The following PRRT4 variants were observed in gnomAD, a reference collection of about 807,000 sequenced individuals.
The protein encoded by PRRT4 is proline-rich transmembrane protein 4.
Under a neutral mutation model 55.6 loss-of-function variants are expected in PRRT4, and 59 were observed. The observed-to-expected ratio is 1.06, with a 90% CI of 0.86 to 1.32. The LOEUF is 1.32. Ranked by LOEUF, PRRT4 falls within the 40% of genes most tolerant of loss-of-function variation. PRRT4 has a pLI of 0.00. For missense variants in PRRT4, 1,217 were observed against 1,222.0 expected, an observed-to-expected ratio of 1.00 and a Z score of 0.06; for synonymous variants, 606 against 601.8, an observed-to-expected ratio of 1.01 and a Z score of -0.10.
At position 128,360,038 on chromosome 7, in the gene PRRT4, T is replaced by C. The variant is rs544179551; in HGVS notation, c.-47A>G. On this transcript the variant is annotated 5_prime_UTR_variant, in exon 2 of 5. Coordinates refer to ENST00000535159, the Ensembl canonical transcript of PRRT4. ...GCCTTGGTGGGCAGGGACTCAGTTG[T>C]TCAGCAGCTTTTGAGGAGGAAGGTC... The C allele has an allele frequency of 5.6e-5, 72 of 1,280,740 alleles. No individual in the cohort carries two copies. In the African/African-American group the frequency reaches 9.7e-4, roughly 17 times the overall value. 79.3% of individuals were successfully genotyped at this position (1,280,740 alleles called of 1,614,324 possible).
At chr7:128,351,830 C>T in exon 5 of PRRT4, 1 of 1,386,718 alleles carries the variant, frequency 7.2e-7, no homozygotes, top group Non-Finnish European at 9.3e-7. Flanking sequence ...ACCTCATAGC[C>T]CTGCAGGGCT....
intron 4 of PRRT4, among the ~76,000 whole-genome samples, chr7:128,357,867 A>C (rs1797149505): frequency 6.6e-6 from 1 of 152,120 alleles, no homozygotes; most frequent in Admixed American, 6.6e-5. Context: ...TTGTCCCACC[A>C]CTGCCTGGGG....
chr7:128,359,074 A>G (rs1023111625), intron 3 of PRRT4, 75 bp downstream of exon 4: 78 of 1,438,018 alleles, frequency 5.4e-5, no homozygotes, highest in Non-Finnish European at 6.6e-5. Flanking sequence ...AAAGAAAGGT[A>G]CTTGTTAGGC....
At chr7:128,352,723 C>G in intron 4 of PRRT4, 45 bp from the exon 6 acceptor site, 1 of 1,457,142 alleles carries the variant, frequency 6.9e-7, no homozygotes. Context: ...TGCAGCCCTC[C>G]CCTTACCCAC....
intron 4 of PRRT4, among the ~76,000 whole-genome samples, chr7:128,354,334 C>A (rs113841128): frequency 3.3e-5 from 5 of 152,026 alleles, no homozygotes; most frequent in Non-Finnish European, 5.9e-5. Context: ...GAGGCCGTGG[C>A]GAGCAGATCA....
chr7:128,359,591 C>G, exon 2 of PRRT4: 2 of 1,510,308 alleles, frequency 1.3e-6, no homozygotes, highest in East Asian at 2.5e-5. Context: ...CCCAGAGCGC[C>G]GGGATGTGGA....
chr7:128,359,624 C>G, exon 2 of PRRT4: 1 of 1,535,652 alleles, frequency 6.5e-7, no homozygotes, highest in Non-Finnish European at 8.8e-7. Context: ...GGAGGAGGCC[C>G]GGGGCTTTGA....
At chr7:128,354,474 G>A (rs758678089) in intron 4 of PRRT4, among the ~76,000 whole-genome samples, 24 of 152,156 alleles carry the variant, frequency 1.6e-4, no homozygotes, top group Admixed American at 1.4e-3. Flanking sequence ...TGAGGCAGGA[G>A]AATCGCTTGA....
chr7:128,354,082 G>A (rs1797059167), intron 4 of PRRT4, among the ~76,000 whole-genome samples: 1 of 152,168 alleles, frequency 6.6e-6, no homozygotes, highest in African/African-American at 2.4e-5. Flanking sequence ...GGTGGCGAAG[G>A]ATGTGGACAG....
In PRRT4 at chr7:128,358,845, G is replaced by C. The variant is rs1797171551; in HGVS notation, c.758-45C>G. The C allele has an allele frequency of 2.0e-6, 3 of 1,489,386 alleles. No individual in the cohort carries two copies. The highest frequency in any genetic ancestry group is 2.7e-6 in the Non-Finnish European group (3 of 1,122,630). 92.3% of individuals were successfully genotyped at this position (1,489,386 alleles called of 1,614,324 possible). ...GGCTCAAGTGCCACCCCACCAACCA[G>C]CCTTGCCTCTGGGAGTTTGGAGAAA... On this transcript the variant is annotated intron_variant, in intron 3 of 4. Coordinates refer to ENST00000535159, the Ensembl canonical transcript of PRRT4. This position sits in a 1 kb window ranked among gnomAD's most constrained non-coding sequence, Gnocchi z 4.4.
chr7:128,359,017 G>A, intron 3 of PRRT4, 132 bp downstream of exon 4: 1 of 1,207,882 alleles, frequency 8.3e-7, no homozygotes, highest in South Asian at 1.4e-5. Context: ...CGTGGAAGTA[G>A]TAGCCCATAT....
exon 2 of PRRT4, chr7:128,359,820 A>T: frequency 6.6e-7 from 1 of 1,519,600 alleles, no homozygotes; most frequent in Non-Finnish European, 8.9e-7. Context: ...CGAAGATGGA[A>T]TTTGAAGTTA....
At position 128,358,757 on chromosome 7, in the gene PRRT4, C is replaced by T. The variant is rs116050720; in HGVS notation, c.801G>A (p.Glu267=). 6.4e-7 allele frequency: 1 copy of T among 1,551,596 alleles called. No individual in the cohort carries two copies. The highest frequency in any genetic ancestry group is 1.4e-5 in the African/African-American group (1 of 73,168). ...GAGGACTTGGGCTGGAGAGCTTCCT[C>T]TCCAGGGAGTATGGGGGCAGGGACA... Residue 267 remains glutamate, a synonymous_variant, in exon 4 of 5, where the codon GAG becomes GAA. Transcript: ENST00000535159. The surrounding 1 kb of genome is among the most constrained non-coding windows in gnomAD (Gnocchi z 4.4).
chr7:128,352,557 C>A, exon 5 of PRRT4: 1 of 1,544,782 alleles, frequency 6.5e-7, no homozygotes, highest in Non-Finnish European at 8.7e-7. Context: ...GAGGCTGCCC[C>A]TCGCGTTCAG....
intron 1 of PRRT4, among the ~76,000 whole-genome samples, chr7:128,360,428 G>C (rs891777960): frequency 6.6e-6 from 1 of 152,174 alleles, no homozygotes; most frequent in African/African-American, 2.4e-5. Flanking sequence ...CTTACCGTTT[G>C]CCAAGCACCC....
exon 2 of PRRT4, chr7:128,359,563 A>T: frequency 6.7e-7 from 1 of 1,495,242 alleles, no homozygotes; most frequent in Non-Finnish European, 8.9e-7. Context: ...GATAGGGGGC[A>T]GTGGGCCCAT....
chr7:128,359,998 A>C, exon 2 of PRRT4: 2 of 1,305,882 alleles, frequency 1.5e-6, no homozygotes, highest in Non-Finnish European at 2.0e-6. Flanking sequence ...CCATGGCCCC[A>C]CCTGGCTTCG....
At chr7:128,359,648 G>A in exon 2 of PRRT4, 2 of 1,547,644 alleles carry the variant, frequency 1.3e-6, no homozygotes, top group Non-Finnish European at 1.7e-6. Flanking sequence ...ACCTTCGGTG[G>A]AGCCCCACTC....
At chr7:128,350,547 G>A (rs1307557156), downstream of PRRT4, 1 of 397,880 alleles carries the variant, frequency 2.5e-6, no homozygotes, top group African/African-American at 2.1e-5. Context: ...GCACCAGAGT[G>A]GGGAGTGGTG....
Sources: allele counts gnomAD v4.1 joint callset (sites outside exome capture counted in the v4.1 genomes callset), GRCh38; gene constraint gnomAD v4.1.1; non-coding constraint Gnocchi (gnomAD v3.1); transcripts MANE v1.5; gene names NCBI Gene and HGNC (gene_info 2026-07-23, HGNC 2026-07-21).